Variants in SGCD observed in about 807,000 individuals in gnomAD.
The protein encoded by SGCD is delta-sarcoglycan.
SGCD carries 18 observed loss-of-function variants against 36.6 expected under a neutral mutation model. That is an observed-to-expected ratio of 0.49 (90% confidence interval 0.34 to 0.73). The LOEUF is 0.73. Ranked by LOEUF, SGCD falls within the 30% of genes least tolerant of loss-of-function variation. The pLI is 0.01. For synonymous variants in SGCD, 133 were observed against 130.6 expected, an observed-to-expected ratio of 1.02 and a Z score of -0.12; for missense variants, 387 against 346.7, an observed-to-expected ratio of 1.12 and a Z score of -0.92.
intron 3 of SGCD, among the ~76,000 whole-genome samples, chr5:156,217,579 A>T (rs1004410705): frequency 6.6e-6 from 1 of 152,182 alleles, no homozygotes; most frequent in Non-Finnish European, 1.5e-5. Flanking sequence ...CTATTTTTAC[A>T]CAAACAGCAG....
At chr5:156,425,490 TA>T (rs1387398927) in intron 3 of SGCD, among the ~76,000 whole-genome samples, 1 of 152,140 alleles carries the variant, frequency 6.6e-6, no homozygotes, top group East Asian at 1.9e-4. Flanking sequence ...TACATTGACA[TA>T]AGCAGAGGGT....
chr5:156,640,042 G>A lies in SGCD; in HGVS notation c.503-7422G>A, dbSNP rs141750097. 5.2e-3 allele frequency among the ~76,000 whole-genome samples: 796 copies of A among 152,050 alleles called. 4 individuals carry two copies. The highest frequency in any genetic ancestry group is 8.3e-3 in the Non-Finnish European group (563 of 67,984). ...ATAGCACTTCCCCAGCAAAGCCTTC[G>A]CAGGTCCTCTGATGCTAGGCTAGCC... On this transcript the variant is annotated intron_variant, in intron 6 of 8. Coordinates refer to ENST00000337851, the MANE Select transcript of SGCD (RefSeq NM_000337.6).
chr5:156,125,657 A>C (rs1762153042), intron 3 of SGCD, among the ~76,000 whole-genome samples: 1 of 151,902 alleles, frequency 6.6e-6, no homozygotes, highest in Admixed American at 6.6e-5. Context: ...AGGAAGTTTC[A>C]GTATAAATAC....
At chr5:156,159,603 A>C (rs1439000074) in intron 3 of SGCD, among the ~76,000 whole-genome samples, 2 of 151,696 alleles carry the variant, frequency 1.3e-5, no homozygotes, top group Non-Finnish European at 2.9e-5. Flanking sequence ...TGAAACATTT[A>C]GTAGAATTTA....
At chr5:156,607,186 C>T (rs968160207) in intron 6 of SGCD, among the ~76,000 whole-genome samples, 2 of 152,168 alleles carry the variant, frequency 1.3e-5, no homozygotes, top group Non-Finnish European at 2.9e-5. Context: ...GTGGGTTTGT[C>T]ATAGATAGCT....
At chr5:155,834,039 T>C in the SGCD span, among the ~76,000 whole-genome samples, 1 of 152,246 alleles carries the variant, frequency 6.6e-6, no homozygotes, top group Non-Finnish European at 1.5e-5. Context: ...TCTCTGCCTT[T>C]TAAATCCTTA....
At chr5:156,612,380 C>T (rs1296994927) in intron 6 of SGCD, among the ~76,000 whole-genome samples, 1 of 152,206 alleles carries the variant, frequency 6.6e-6, no homozygotes, top group Admixed American at 6.5e-5. Flanking sequence ...ACCTAGGCTA[C>T]ATGAGTTTGT....
chr5:156,493,517 C>T (rs1019088006), intron 3 of SGCD, among the ~76,000 whole-genome samples: 2 of 151,988 alleles, frequency 1.3e-5, no homozygotes, highest in African/African-American at 4.8e-5. Context: ...GGCTATCTGC[C>T]CTTCTTGTTG....
chr5:155,765,395 G>T, the SGCD span, among the ~76,000 whole-genome samples: 2 of 138,794 alleles, frequency 1.4e-5, no homozygotes, highest in Non-Finnish European at 3.1e-5. Context: ...GAGAAGGAGG[G>T]GAAGGAGGGG....
intron 7 of SGCD, among the ~76,000 whole-genome samples, chr5:156,737,449 AATAATTTTTAGGT>A (rs1756432436): frequency 6.6e-6 from 1 of 152,244 alleles, no homozygotes; most frequent in African/African-American, 2.4e-5. Context: ...GTAAGTATGC[AATAATTTTTAGGT>A]ATAAATTTTA....
chr5:156,542,765 C>A (rs1415043343), intron 4 of SGCD, among the ~76,000 whole-genome samples: 1 of 152,124 alleles, frequency 6.6e-6, no homozygotes, highest in Non-Finnish European at 1.5e-5. Flanking sequence ...TTGCTGCCTC[C>A]CCTTAGCAAT....
At chr5:156,218,342 A>C (rs1451645564) in intron 3 of SGCD, among the ~76,000 whole-genome samples, 1 of 152,150 alleles carries the variant, frequency 6.6e-6, no homozygotes, top group Non-Finnish European at 1.5e-5. Context: ...TCTTTGGGGG[A>C]AAAAAGAGAA....
At chr5:156,071,282 C>T (rs564844206) in intron 1 of SGCD, among the ~76,000 whole-genome samples, 2 of 152,292 alleles carry the variant, frequency 1.3e-5, no homozygotes, top group South Asian at 4.1e-4. Flanking sequence ...TTATAAATTT[C>T]CCTCTACACA....
chr5:156,494,099 T>C (rs1443982084), intron 3 of SGCD, among the ~76,000 whole-genome samples: 1 of 152,044 alleles, frequency 6.6e-6, no homozygotes, highest in Non-Finnish European at 1.5e-5. Flanking sequence ...GGAATAAATG[T>C]GGGAGCTGGG....
chr5:156,553,407 G>A (rs1758875948), intron 4 of SGCD, among the ~76,000 whole-genome samples: 1 of 152,080 alleles, frequency 6.6e-6, no homozygotes. Context: ...ATGTATTTGA[G>A]CACCTGCCCA....
intron 3 of SGCD, among the ~76,000 whole-genome samples, chr5:156,203,078 T>A (rs892145291): frequency 1.3e-5 from 2 of 152,126 alleles, no homozygotes; most frequent in Admixed American, 6.6e-5. Context: ...TAAAACTTTT[T>A]AAATTAAGAA....
intron 3 of SGCD, among the ~76,000 whole-genome samples, chr5:156,417,253 A>G (rs2127774672): frequency 6.6e-6 from 1 of 152,290 alleles, no homozygotes; most frequent in African/African-American, 2.4e-5. Context: ...TGCCACATGT[A>G]TACTTCCATC....
the SGCD span, among the ~76,000 whole-genome samples, chr5:155,863,937 G>C: frequency 2.0e-5 from 3 of 152,046 alleles, no homozygotes; most frequent in Admixed American, 1.3e-4. Flanking sequence ...ATTTCAGTAG[G>C]GGGGACAGAC....
intron 1 of SGCD, among the ~76,000 whole-genome samples, chr5:155,899,668 C>A (rs1288850278): frequency 6.6e-6 from 1 of 152,044 alleles, no homozygotes; most frequent in Admixed American, 6.6e-5. Context: ...TTAGACCACC[C>A]CCCACCCCAT....
Sources: allele counts gnomAD v4.1 joint callset (sites outside exome capture counted in the v4.1 genomes callset), GRCh38; gene constraint gnomAD v4.1.1; transcripts MANE v1.5; gene names NCBI Gene and HGNC (gene_info 2026-07-23, HGNC 2026-07-21).